Variants in PALB2 observed in about 807,000 individuals in gnomAD.
The protein encoded by PALB2 is mutant partner and localizer of BRCA2.
PALB2 carries 82 observed loss-of-function variants against 107.4 expected under a neutral mutation model. That is an observed-to-expected ratio of 0.76 (90% CI 0.64 to 0.92). The LOEUF (loss-of-function observed/expected upper bound fraction) is 0.92. Among genes scored for constraint, PALB2 ranks in the 40% least tolerant of loss-of-function variants. The pLI, the probability that PALB2 is intolerant of heterozygous loss-of-function variation, is 0.00. For missense variants in PALB2, 1,374 were observed against 1,379.9 expected, an observed-to-expected ratio of 1.00 and a Z score of 0.07; for synonymous variants, 489 against 496.8, an observed-to-expected ratio of 0.98 and a Z score of 0.21.
chr16:23,631,908 G>A lies in PALB2; in HGVS notation c.1685-1439C>T, dbSNP rs145259499. ...GTTGCCCAGGCTGGAGTGCAGTGGC[G>A]AGATCTTGGCTCACTGCAACCTCTG... On this transcript the variant is annotated intron_variant, in intron 4 of 12. Transcript: ENST00000261584. Among the ~76,000 whole-genome samples the A allele has an allele frequency of 1.6e-3, 239 of 152,174 alleles. 5 individuals are homozygous for A. The East Asian group carries it at 0.039, about 25-fold the overall frequency.
intron 1 of PALB2, 186 bp downstream of exon 1, chr16:23,640,924 T>C (rs1967219318): frequency 3.0e-6 from 2 of 660,378 alleles, no homozygotes; most frequent in Non-Finnish European, 5.3e-6. Context: ...ATTTGTTCTT[T>C]AAACGCCACC....
chr16:23,617,066 C>A (rs144488461), intron 10 of PALB2, among the ~76,000 whole-genome samples: 2 of 152,050 alleles, frequency 1.3e-5, no homozygotes, highest in African/African-American at 4.8e-5. Flanking sequence ...CTGCCCACCT[C>A]GGCCTCCCAA....
chr16:23,626,673 G>A (rs745885226), intron 6 of PALB2, among the ~76,000 whole-genome samples: 9 of 152,076 alleles, frequency 5.9e-5, no homozygotes, highest in Non-Finnish European at 1.3e-4. Context: ...CCAGGCTGGA[G>A]TGCAGTGGTG....
In PALB2 at chr16:23,604,555, T is replaced by A. The variant is rs1453763449; in HGVS notation, c.3351-886A>T. 5.9e-5 allele frequency among the ~76,000 whole-genome samples: 9 copies of A among 151,936 alleles called. No homozygotes were observed. In the South Asian group the frequency reaches 1.9e-3, roughly 32 times the overall value. Reference sequence around the variant, plus strand: ...GCCAAGGCGGGTGGATCACCTGAGGTTGGGAGTTTGAGACCAGCCTGGCCA... The same window carrying A: ...GCCAAGGCGGGTGGATCACCTGAGGATGGGAGTTTGAGACCAGCCTGGCCA... On this transcript the variant is annotated intron_variant, in intron 12 of 12. Coordinates refer to ENST00000261584, the MANE Select transcript of PALB2 (RefSeq NM_024675.4).
At chr16:23,605,068 C>A (rs867027883) in intron 12 of PALB2, among the ~76,000 whole-genome samples, 2 of 151,538 alleles carry the variant, frequency 1.3e-5, no homozygotes, top group Admixed American at 1.3e-4. Context: ...AGAGAAACTC[C>A]GTCTCAAAAA....
Position 23,618,070 on chromosome 16 carries a change from G to A in PALB2, c.3113+3292C>T, listed in dbSNP as rs565278123. 2.0e-5 allele frequency among the ~76,000 whole-genome samples: 3 copies of A among 152,272 alleles called. No homozygotes were observed. The East Asian group carries it at 5.8e-4, about 29-fold the overall frequency. On this transcript the variant is annotated intron_variant, in intron 10 of 12. Coordinates refer to ENST00000261584, the MANE Select transcript of PALB2 (RefSeq NM_024675.4). ...TCTCGGCACTTTGGGAGGCTGAAGT[G>A]GGAGGATTGCTTGTGCCAAGGAGTT... is the stretch of plus-strand genomic sequence containing the variant.
chr16:23,629,117 C>T (rs769327295), intron 6 of PALB2, 87 bp downstream of exon 6: 5 of 1,023,452 alleles, frequency 4.9e-6, no homozygotes, highest in Non-Finnish European at 7.7e-6. Context: ...TATTAAAGAA[C>T]AAGAAGCTAT....
intron 11 of PALB2, among the ~76,000 whole-genome samples, 158 bp from the exon 12 acceptor site, chr16:23,608,170 G>A (rs796402267): frequency 2.0e-5 from 3 of 152,058 alleles, no homozygotes; most frequent in African/African-American, 4.8e-5. Context: ...TTTCCCTGCC[G>A]TCTAGGAACT....
chr16:23,641,032 G>C (rs1281787774), intron 1 of PALB2, 78 bp downstream of exon 1: 1 of 1,540,736 alleles, frequency 6.5e-7, no homozygotes, highest in Non-Finnish European at 8.9e-7. Context: ...TCGGACTGCC[G>C]AGGACACAAA....
intron 4 of PALB2, among the ~76,000 whole-genome samples, chr16:23,633,002 G>A (rs1966898534): frequency 6.6e-6 from 1 of 152,190 alleles, no homozygotes; most frequent in Admixed American, 6.5e-5. Context: ...GCTGAGGTGG[G>A]AGAATCGCTT....
chr16:23,623,993 C>T lies in PALB2; in HGVS notation c.2834+16G>A, dbSNP rs1218761844. 1 of 1,542,396 alleles carries T rather than the reference C, an allele frequency of 6.5e-7. No homozygotes were observed. Among genetic ancestry groups the T allele is most frequent in the Non-Finnish European group, 9.0e-7 (1 of 1,115,274 alleles). On this transcript the variant is annotated intron_variant, in intron 8 of 12. Transcript: ENST00000261584. ...AAGATGAAGGAAAAACAAATCACTCCTTGGGAATTACATACCTGATCTCTC... is the reference window on the plus strand; with the variant it reads ...AAGATGAAGGAAAAACAAATCACTCTTTGGGAATTACATACCTGATCTCTC...
At chr16:23,604,071 AC>A (rs1476961705) in intron 12 of PALB2, among the ~76,000 whole-genome samples, 1 of 152,160 alleles carries the variant, frequency 6.6e-6, no homozygotes, top group African/African-American at 2.4e-5. Flanking sequence ...TAGAAAGGTC[AC>A]CCCTAATCCT....
chr16:23,620,153 G>A (rs1315511790), intron 10 of PALB2, among the ~76,000 whole-genome samples: 2 of 152,238 alleles, frequency 1.3e-5, no homozygotes, highest in African/African-American at 2.4e-5. Flanking sequence ...TCCAAATGCC[G>A]AAACTGAAAT....
Position 23,630,302 on chromosome 16 carries a change from C to T in PALB2, c.1852G>A (p.Asp618Asn), listed in dbSNP as rs754252373. 1.2e-6 allele frequency: 2 copies of T among 1,614,162 alleles called. No homozygotes were observed. Among genetic ancestry groups the T allele is most frequent in the South Asian group, 2.2e-5 (2 of 91,078 alleles). ...SITDFQLPDE[D>N]FGPLKLEKVK... ...TTTTCAAGCTTAAGAGGTCCAAAGT[C>T]TTCATCAGGTAACTGAAAGTCTGTG... Residue 618 changes from aspartate to asparagine, a missense_variant, in exon 5 of 13, where the codon GAC (aspartate) becomes AAC (asparagine). Asp to Asn is a conservative substitution (Grantham distance 23). Coordinates refer to ENST00000261584, the MANE Select transcript of PALB2 (RefSeq NM_024675.4).
chr16:23,612,957 T>G (rs1966614271), intron 11 of PALB2, among the ~76,000 whole-genome samples: 1 of 151,742 alleles, frequency 6.6e-6, no homozygotes, highest in African/African-American at 2.4e-5. Flanking sequence ...TTCACCATAT[T>G]GGTCAGGCTG....
At chr16:23,622,237 G>T (rs987016343) in intron 9 of PALB2, among the ~76,000 whole-genome samples, 42 of 152,302 alleles carry the variant, frequency 2.8e-4, no homozygotes, top group African/African-American at 9.6e-4. Context: ...AAATAGGCCT[G>T]CAGGTCTAGA....
rs551516577 is a variant in PALB2 at position 23,623,996 on chromosome 16, G to T, written c.2834+13C>A. On this transcript the variant is annotated intron_variant, in intron 8 of 12. Coordinates refer to ENST00000261584, the MANE Select transcript of PALB2 (RefSeq NM_024675.4). ...ATGAAGGAAAAACAAATCACTCCTT[G>T]GGAATTACATACCTGATCTCTCTGA... 7.1e-6 allele frequency: 11 copies of T among 1,546,976 alleles called. No homozygotes were observed. In the East Asian group the frequency reaches 2.0e-4, roughly 28 times the overall value.
rs587780216 is a variant in PALB2, at chr16:23,614,073, T to C, written c.3132A>G (p.Gln1044=). 3 of 1,612,172 alleles carry C rather than the reference T, an allele frequency of 1.9e-6. No homozygotes were observed. The highest frequency in any genetic ancestry group is 2.2e-5 in the East Asian group (1 of 44,838). ...CATCAATGTGCATCTTTTTCAGGAG[T>C]TGACCAGTTTTTAAATTCCTTAGAT... The part of the protein sequence containing the change: ...NIVIWNLKTG[Q]LLKKMHIDDS... The change falls in exon 11 of 13, where the codon CAA becomes CAG. Residue 1044 remains glutamine, a synonymous_variant. Coordinates refer to ENST00000261584, the MANE Select transcript of PALB2 (RefSeq NM_024675.4).
intron 11 of PALB2, among the ~76,000 whole-genome samples, chr16:23,611,965 T>G (rs921053760): frequency 6.6e-6 from 1 of 152,218 alleles, no homozygotes; most frequent in Non-Finnish European, 1.5e-5. Flanking sequence ...TGTGTTGGAT[T>G]ATATAACATC....
Sources: gnomAD v4.1 joint callset for allele counts (sites outside exome capture counted in the v4.1 genomes callset) on GRCh38, gnomAD v4.1.1 for gene constraint, MANE v1.5 for transcripts, NCBI Gene and HGNC (gene_info 2026-07-23, HGNC 2026-07-21) for gene names.